The following ABTB2 variants were observed in gnomAD, a reference collection of about 807,000 sequenced individuals.
ABTB2 encodes the protein ankyrin repeat and BTB domain containing 2.
ABTB2 carries 56 observed loss-of-function variants against 104.1 expected under a neutral mutation model. That is an observed-to-expected ratio of 0.54 (90% confidence interval 0.43 to 0.67). The LOEUF is 0.67. Ranked by LOEUF, ABTB2 falls within the 30% of genes least tolerant of loss-of-function variation. The pLI is 0.00. For synonymous variants in ABTB2, 606 were observed against 608.2 expected, an observed-to-expected ratio of 1.00 and a Z score of 0.05; for missense variants, 1,279 against 1,407.7, an observed-to-expected ratio of 0.91 and a Z score of 1.46.
rs1349609609 is a variant in ABTB2 at position 34,356,158 on chromosome 11, A to G, written c.883+543T>C. Among the ~76,000 whole-genome samples, 3 of 152,208 alleles carry G rather than the reference A, an allele frequency of 2.0e-5. No individual in the cohort carries two copies. Among genetic ancestry groups the G allele is most frequent in the Admixed American group, 1.3e-4 (2 of 15,282 alleles). ...ATCCCCCAAGAGAGCGCCTGACAGC[A>G]TCCTTCAGCCCAGCAAAGCACAAGG... On this transcript the variant is annotated intron_variant, in intron 1 of 16. Transcript: ENST00000435224. This position sits in a 1 kb window ranked among gnomAD's most constrained non-coding sequence, Gnocchi z 4.6.
At chr11:34,283,199 T>G (rs2133088147) in intron 1 of ABTB2, among the ~76,000 whole-genome samples, 1 of 150,658 alleles carries the variant, frequency 6.6e-6, no homozygotes. Flanking sequence ...ATTACAGGCG[T>G]AAGCCACCGT....
intron 1 of ABTB2, among the ~76,000 whole-genome samples, chr11:34,245,741 T>C (rs1356955696): frequency 6.6e-6 from 1 of 152,176 alleles, no homozygotes; most frequent in African/African-American, 2.4e-5. Flanking sequence ...TTCCAAAGCA[T>C]GGTGTTTCAC....
At chr11:34,278,239 T>C (rs772497205) in intron 1 of ABTB2, among the ~76,000 whole-genome samples, 7 of 152,004 alleles carry the variant, frequency 4.6e-5, no homozygotes, top group African/African-American at 7.3e-5. Context: ...AATTAGATAA[T>C]CTAGAATTTC....
At chr11:34,204,852 T>G (rs954673279) in intron 1 of ABTB2, among the ~76,000 whole-genome samples, 162 bp from the exon 2 acceptor site, 6 of 152,166 alleles carry the variant, frequency 3.9e-5, no homozygotes, top group African/African-American at 1.4e-4. Context: ...GAACTTTGAC[T>G]GTGGACGGTG....
At chr11:34,293,102 T>G (rs775764538) in intron 1 of ABTB2, among the ~76,000 whole-genome samples, 1 of 152,098 alleles carries the variant, frequency 6.6e-6, no homozygotes, top group African/African-American at 2.4e-5. Context: ...AACAGTGTTT[T>G]TTGAGGGCAG....
intron 16 of ABTB2, among the ~76,000 whole-genome samples, chr11:34,153,375 G>A (rs778281706): frequency 1.3e-5 from 2 of 152,140 alleles, no homozygotes; most frequent in East Asian, 1.9e-4. Flanking sequence ...TACTTTTTTG[G>A]GGGGCGGGGG....
chr11:34,198,429 C>T (rs1853290901), intron 2 of ABTB2, among the ~76,000 whole-genome samples: 3 of 133,804 alleles, frequency 2.2e-5, no homozygotes, highest in Non-Finnish European at 4.7e-5. Flanking sequence ...GACTTTGTCT[C>T]AAAAAAACAA....
At chr11:34,171,219 G>A (rs894769628) in intron 4 of ABTB2, 148 bp from the exon 5 acceptor site, 3 of 793,200 alleles carry the variant, frequency 3.8e-6, no homozygotes. Flanking sequence ...AGCAATTACT[G>A]TCCCCATCAT....
chr11:34,172,409 T>G lies in ABTB2; in HGVS notation c.1397+746A>C. Among the ~76,000 whole-genome samples, 2 of 69,096 alleles carry G rather than the reference T, an allele frequency of 2.9e-5. 1 individual carries two copies. Among genetic ancestry groups the G allele is most frequent in the Admixed American group, 2.9e-4 (2 of 7,008 alleles). The allele number at this position is 69,096 out of a possible 152,430, so 45.3% of individuals were successfully genotyped here. A position where few individuals can be genotyped will look rare whatever the true frequency, so the allele number is the denominator to read the frequency against. The stretch of plus-strand genomic sequence containing the variant: ...AAAAAAAAAAAAATATATATATATA[T>G]ATATATATATGTGTGTGTGTGTGTG... On this transcript the variant is annotated intron_variant, in intron 4 of 16. Transcript: ENST00000435224.
chr11:34,178,292 G>T (rs7121259), intron 3 of ABTB2, among the ~76,000 whole-genome samples: 1 of 151,808 alleles, frequency 6.6e-6, no homozygotes, highest in East Asian at 1.9e-4. Context: ...GGATCTGTGG[G>T]AAGGTAAAAA....
At chr11:34,199,105 T>C (rs1418093579) in intron 2 of ABTB2, among the ~76,000 whole-genome samples, 1 of 152,226 alleles carries the variant, frequency 6.6e-6, no homozygotes, top group Admixed American at 6.5e-5. Flanking sequence ...CAGCAGATAT[T>C]TGGAGAATGA....
At position 34,154,293 on chromosome 11, in the gene ABTB2, C is replaced by G. The variant is rs770604108; in HGVS notation, c.2852G>C (p.Ser951Thr). 6 of 1,613,948 alleles carry G rather than the reference C, an allele frequency of 3.7e-6. 1 individual carries two copies. In the South Asian group the frequency reaches 6.6e-5, roughly 18 times the overall value. ...GGCATATTTGTAGGTGTTCACGGCA[C>G]TCTCCATGCTGAGGGTCTGGGAGCA... ...ILCSQTLSME[S>T]AVNTYKYAKI... Residue 951 changes from serine (S) to threonine (T), a missense_variant, in exon 16 of 17, where the codon AGT (serine) becomes ACT (threonine). Physicochemically the swap from Ser to Thr is moderately conservative, Grantham distance 58. Coordinates refer to ENST00000435224, the MANE Select transcript of ABTB2 (RefSeq NM_145804.3). The surrounding 1 kb of genome is among the most constrained non-coding windows in gnomAD (Gnocchi z 4.9).
chr11:34,237,210 T>C (rs1853855343), intron 1 of ABTB2, among the ~76,000 whole-genome samples: 2 of 151,900 alleles, frequency 1.3e-5, no homozygotes, highest in African/African-American at 4.8e-5. Context: ...AAACATTCCA[T>C]ACTGGGGGCT....
Position 34,228,900 on chromosome 11 carries a change from A to G in ABTB2, c.884-24210T>C, listed in dbSNP as rs1853722493. Among the ~76,000 whole-genome samples, 3 of 152,200 alleles carry G rather than the reference A, an allele frequency of 2.0e-5. No homozygotes were observed. The South Asian group carries it at 6.2e-4, about 32-fold the overall frequency. ...TTTGGGAGGCCAAGGTGGACAGATC[A>G]CTTTAGGTCAGGAGTTCGAGACCAG... On this transcript the variant is annotated intron_variant, in intron 1 of 16. Coordinates refer to ENST00000435224, the MANE Select transcript of ABTB2 (RefSeq NM_145804.3).
intron 14 of ABTB2, among the ~76,000 whole-genome samples, chr11:34,156,675 C>T (rs1590200558): frequency 6.6e-6 from 1 of 152,240 alleles, no homozygotes. Context: ...GCAGCATGCA[C>T]CACCACGCCC....
At chr11:34,276,770 G>C (rs1458276623) in intron 1 of ABTB2, among the ~76,000 whole-genome samples, 2 of 152,172 alleles carry the variant, frequency 1.3e-5, no homozygotes, top group Admixed American at 1.3e-4. Context: ...CTGATCCACT[G>C]TTCCTTGTTT....
Position 34,206,994 on chromosome 11 carries a change from T to C in ABTB2, c.884-2304A>G, listed in dbSNP as rs928998998. Among the ~76,000 whole-genome samples, 6 of 152,228 alleles carry C rather than the reference T, an allele frequency of 3.9e-5. No homozygotes were observed. The South Asian group carries it at 6.2e-4, about 16-fold the overall frequency. On this transcript the variant is annotated intron_variant, in intron 1 of 16. Transcript: ENST00000435224. ...TTGGAGGAGGAGGAAGAGTTCATGA[T>C]TGGGCTCTCCCCCGCAGCCCCCTGC...
chr11:34,214,630 G>T (rs948776147), intron 1 of ABTB2, among the ~76,000 whole-genome samples: 8 of 146,610 alleles, frequency 5.5e-5, no homozygotes, highest in Admixed American at 7.2e-5. Flanking sequence ...ACCTTCACCT[G>T]CTGGGCTCAT....
At chr11:34,231,955 G>A (rs1439600096) in intron 1 of ABTB2, among the ~76,000 whole-genome samples, 2 of 152,144 alleles carry the variant, frequency 1.3e-5, no homozygotes, top group African/African-American at 4.8e-5. Context: ...AACAAAGAAA[G>A]TCTTGTCACA....
Sources: allele counts gnomAD v4.1 joint callset (sites outside exome capture counted in the v4.1 genomes callset), GRCh38; gene constraint gnomAD v4.1.1; non-coding constraint Gnocchi (gnomAD v3.1); transcripts MANE v1.5; gene names NCBI Gene and HGNC (gene_info 2026-07-23, HGNC 2026-07-21).